TENM3: variants seen among roughly 807,000 people sequenced by gnomAD.
The protein encoded by TENM3 is teneurin transmembrane protein 3.
TENM3 carries 63 observed loss-of-function variants against 255.1 expected under a neutral mutation model. The ratio of observed to expected loss-of-function variants is 0.25; its 90% CI spans 0.20 to 0.30. TENM3 has a LOEUF of 0.30. TENM3 is among the 10% of genes least tolerant of loss of function. TENM3 has a pLI of 1.00. For missense variants in TENM3, 2,929 were observed against 3,461.1 expected, an observed-to-expected ratio of 0.85 and a Z score of 3.86; for synonymous variants, 1,306 against 1,322.3, an observed-to-expected ratio of 0.99 and a Z score of 0.27.
At chr4:182,162,868 C>T (rs775775444) in intron 1 of TENM3, among the ~76,000 whole-genome samples, 5 of 152,170 alleles carry the variant, frequency 3.3e-5, no homozygotes, top group African/African-American at 4.8e-5. Context: ...TAATTCCCGT[C>T]GAAAGGCCCC....
intron 3 of TENM3, among the ~76,000 whole-genome samples, chr4:182,459,501 A>T (rs1025647139): frequency 4.6e-5 from 7 of 152,296 alleles, no homozygotes; most frequent in African/African-American, 1.7e-4. Flanking sequence ...TTAATGTGCA[A>T]TTGTTTGTTT....
intron 1 of TENM3, among the ~76,000 whole-genome samples, chr4:182,197,667 T>C (rs926179538): frequency 2.0e-5 from 3 of 152,228 alleles, no homozygotes; most frequent in Non-Finnish European, 4.4e-5. Flanking sequence ...ATGGTTTAAA[T>C]AGTGACAATA....
chr4:181,903,829 T>C, the TENM3 span, among the ~76,000 whole-genome samples: 2 of 152,162 alleles, frequency 1.3e-5, no homozygotes, highest in African/African-American at 2.4e-5. Flanking sequence ...TGCATCCTCA[T>C]TCTGGGCCTG....
chr4:182,096,263 C>T, the TENM3 span, among the ~76,000 whole-genome samples: 6 of 152,190 alleles, frequency 3.9e-5, no homozygotes, highest in South Asian at 1.2e-3. Context: ...AAAGACGGGA[C>T]AAATTAACTT....
chr4:181,507,709 G>A, the TENM3 span, among the ~76,000 whole-genome samples: 2 of 152,284 alleles, frequency 1.3e-5, no homozygotes, highest in Admixed American at 6.5e-5. Flanking sequence ...CTTGAATAGC[G>A]GTGAAACAGA....
the TENM3 span, among the ~76,000 whole-genome samples, chr4:181,770,066 C>T: frequency 5.9e-5 from 9 of 152,150 alleles, no homozygotes; most frequent in South Asian, 2.1e-4. Context: ...CGGTAGAACC[C>T]GATAAAATCT....
intron 22 of TENM3, among the ~76,000 whole-genome samples, chr4:182,761,615 C>G (rs1046450704): frequency 5.9e-5 from 9 of 152,026 alleles, no homozygotes; most frequent in African/African-American, 2.2e-4. Context: ...CACACACACA[C>G]TTATACACAC....
the TENM3 span, among the ~76,000 whole-genome samples, chr4:181,787,854 A>T: frequency 1.3e-5 from 2 of 152,110 alleles, no homozygotes; most frequent in African/African-American, 4.8e-5. Context: ...TGTAAAACCT[A>T]GCCAAGCGTG....
chr4:182,719,261 T>TTC (rs1561154601), intron 13 of TENM3, among the ~76,000 whole-genome samples: 5 of 127,144 alleles, frequency 3.9e-5, no homozygotes, highest in African/African-American at 6.2e-5. Flanking sequence ...TCTTTTTTTT[T>TTC]TTTTTTTTTT....
chr4:182,272,648 T>A (rs1362385537), intron 1 of TENM3, among the ~76,000 whole-genome samples: 1 of 152,212 alleles, frequency 6.6e-6, no homozygotes. Flanking sequence ...TTACTAGTCA[T>A]AATGATAAAA....
the TENM3 span, among the ~76,000 whole-genome samples, chr4:181,760,236 T>C: frequency 2.3e-3 from 347 of 152,134 alleles, 3 homozygotes; most frequent in Non-Finnish European, 3.7e-3. Context: ...TTAAAACATA[T>C]CATCATTAAT....
At chr4:182,643,548 A>C (rs1250610870) in intron 5 of TENM3, among the ~76,000 whole-genome samples, 2 of 152,188 alleles carry the variant, frequency 1.3e-5, no homozygotes, top group Admixed American at 1.3e-4. Context: ...TTCTTTGTAA[A>C]TGAGAGAGCC....
chr4:182,305,850 T>C (rs1456618884), intron 1 of TENM3, among the ~76,000 whole-genome samples: 1 of 152,212 alleles, frequency 6.6e-6, no homozygotes, highest in East Asian at 1.9e-4. Flanking sequence ...GAGGAAGTCG[T>C]TGCTATCCTG....
chr4:181,910,960 C>T, the TENM3 span, among the ~76,000 whole-genome samples: 4 of 152,084 alleles, frequency 2.6e-5, no homozygotes, highest in African/African-American at 9.7e-5. Flanking sequence ...AATGTTGCTG[C>T]AATGTGCATC....
At chr4:182,533,329 A>C (rs1183441045) in intron 3 of TENM3, among the ~76,000 whole-genome samples, 3 of 151,828 alleles carry the variant, frequency 2.0e-5, no homozygotes, top group Non-Finnish European at 2.9e-5. Context: ...AGGTGGGAGG[A>C]TTGCTTTAGC....
chr4:181,658,599 C>T, the TENM3 span, among the ~76,000 whole-genome samples: 2 of 152,170 alleles, frequency 1.3e-5, no homozygotes, highest in Non-Finnish European at 2.9e-5. Context: ...TCTAGGATCT[C>T]TGAAGGTGGG....
chr4:181,726,533 G>T, the TENM3 span, among the ~76,000 whole-genome samples: 1 of 152,234 alleles, frequency 6.6e-6, no homozygotes, highest in East Asian at 1.9e-4. Flanking sequence ...CTTTCTTCCA[G>T]TCCCACAAGT....
At chr4:181,608,860 T>C in the TENM3 span, among the ~76,000 whole-genome samples, 1 of 152,224 alleles carries the variant, frequency 6.6e-6, no homozygotes, top group East Asian at 1.9e-4. Flanking sequence ...TCAAAAAGCA[T>C]GTGCTATTTA....
chr4:182,776,344 G>A (rs1378660933), intron 24 of TENM3, among the ~76,000 whole-genome samples: 1 of 152,110 alleles, frequency 6.6e-6, no homozygotes, highest in Admixed American at 6.5e-5. Context: ...CACTCGAGGC[G>A]GAGGTTGCAG....
Sources: allele counts gnomAD v4.1 joint callset (sites outside exome capture counted in the v4.1 genomes callset), GRCh38; gene constraint gnomAD v4.1.1; transcripts MANE v1.5; gene names NCBI Gene and HGNC (gene_info 2026-07-23, HGNC 2026-07-21).